SIK3: variants seen among roughly 807,000 people sequenced by gnomAD.
SIK3 encodes serine/threonine-protein kinase SIK3.
A neutral mutation model predicts 144.2 loss-of-function variants in SIK3; 28 were observed. That is an observed-to-expected ratio of 0.19 (90% CI 0.14 to 0.27). SIK3 has a LOEUF of 0.27. SIK3 is among the 10% of genes least tolerant of loss of function. SIK3 has a pLI of 1.00. For missense variants in SIK3, 1,319 were observed against 1,776.0 expected (o/e 0.74, Z 4.62); for synonymous variants, 686 against 676.3 (o/e 1.01, Z -0.22).
chr11:116,978,524 G>A (rs1267998668), intron 1 of SIK3, among the ~76,000 whole-genome samples: 1 of 150,720 alleles, frequency 6.6e-6, no homozygotes, highest in Non-Finnish European at 1.5e-5. Context: ...TTTTTTTTGA[G>A]GCAGGGTCTC....
chr11:117,070,492 G>A (rs1484996645), intron 1 of SIK3, among the ~76,000 whole-genome samples: 1 of 151,750 alleles, frequency 6.6e-6, no homozygotes, highest in Non-Finnish European at 1.5e-5. Context: ...TGTCGCCCAG[G>A]CTGGAGTGCA....
chr11:116,988,402 A>G (rs1950394368), intron 1 of SIK3, among the ~76,000 whole-genome samples: 1 of 152,080 alleles, frequency 6.6e-6, no homozygotes, highest in Non-Finnish European at 1.5e-5. Flanking sequence ...AAAGAAAAAA[A>G]GAAAAATGAA....
intron 1 of SIK3, among the ~76,000 whole-genome samples, chr11:116,975,894 T>C (rs905046049): frequency 3.3e-5 from 5 of 152,236 alleles, no homozygotes; most frequent in African/African-American, 1.2e-4. Flanking sequence ...TCCATCTTTT[T>C]TTATTACAGC....
chr11:116,852,054 A>G (rs2134321643), intron 21 of SIK3, among the ~76,000 whole-genome samples: 2 of 152,368 alleles, frequency 1.3e-5, no homozygotes, highest in Non-Finnish European at 2.9e-5. Flanking sequence ...CGCAAGGACA[A>G]ACATGAGCGC....
chr11:116,912,629 C>G (rs992996151), intron 4 of SIK3, among the ~76,000 whole-genome samples: 1 of 152,142 alleles, frequency 6.6e-6, no homozygotes, highest in Non-Finnish European at 1.5e-5. Context: ...TATAAGTAAA[C>G]AGCTTGGAAG....
chr11:116,988,360 C>T (rs143491990), intron 1 of SIK3, among the ~76,000 whole-genome samples: 10,704 of 149,258 alleles, frequency 0.072, 672 homozygotes, highest in African/African-American at 0.17. Context: ...CACTCCAGCC[C>T]GGGCAACAGA....
At chr11:117,013,915 G>GGGGGGGGGGGGTGTGTGT (rs1206309055) in intron 1 of SIK3, among the ~76,000 whole-genome samples, 1 of 23,618 alleles carries the variant, frequency 4.2e-5, no homozygotes, top group Non-Finnish European at 1.3e-4. Flanking sequence ...GGGGGGGGAG[G>GGGGGGGGGGGGTGTGTGT]GTGTGTGTGT....
intron 1 of SIK3, among the ~76,000 whole-genome samples, chr11:117,025,680 T>C (rs773709074): frequency 2.0e-5 from 3 of 152,064 alleles, no homozygotes; most frequent in African/African-American, 4.8e-5. Flanking sequence ...GATCCACCTG[T>C]CTCAGCCTCC....
At chr11:116,975,434 A>G (rs551307201) in intron 1 of SIK3, among the ~76,000 whole-genome samples, 1 of 151,824 alleles carries the variant, frequency 6.6e-6, no homozygotes, top group Admixed American at 6.6e-5. Flanking sequence ...CCTATACTAA[A>G]TATTTCATCT....
chr11:117,090,156 G>T (rs1030871547), intron 1 of SIK3, among the ~76,000 whole-genome samples: 1 of 152,150 alleles, frequency 6.6e-6, no homozygotes, highest in African/African-American at 2.4e-5. Context: ...TAGGATAAAA[G>T]CCCATTTGAA....
chr11:116,926,602 T>C (rs1179685215), intron 4 of SIK3, among the ~76,000 whole-genome samples: 1 of 152,250 alleles, frequency 6.6e-6, no homozygotes, highest in Non-Finnish European at 1.5e-5. Flanking sequence ...TTTAGTAGTT[T>C]TCCTTTCCAC....
intron 1 of SIK3, among the ~76,000 whole-genome samples, chr11:117,066,383 T>A (rs776466155): frequency 6.6e-6 from 1 of 151,556 alleles, no homozygotes; most frequent in Non-Finnish European, 1.5e-5. Context: ...AAACTCTTGC[T>A]CTTCAAAAGA....
intron 1 of SIK3, among the ~76,000 whole-genome samples, chr11:117,012,527 A>G (rs574526266): frequency 6.6e-6 from 1 of 152,282 alleles, no homozygotes; most frequent in Non-Finnish European, 1.5e-5. Flanking sequence ...AAACTGATTC[A>G]TCTTCTGTCC....
At chr11:116,931,203 C>G (rs1319049647) in intron 3 of SIK3, among the ~76,000 whole-genome samples, 1 of 152,118 alleles carries the variant, frequency 6.6e-6, no homozygotes, top group African/African-American at 2.4e-5. Flanking sequence ...GTTAGAAGTA[C>G]AGGAAATCGA....
At chr11:116,949,501 G>A (rs1428132719) in intron 3 of SIK3, among the ~76,000 whole-genome samples, 1 of 152,172 alleles carries the variant, frequency 6.6e-6, no homozygotes, top group Non-Finnish European at 1.5e-5. Flanking sequence ...TTTGCCATCA[G>A]TGTTTTTTTG....
intron 1 of SIK3, among the ~76,000 whole-genome samples, chr11:117,042,875 T>A (rs1251944847): frequency 6.6e-6 from 1 of 152,202 alleles, no homozygotes; most frequent in Non-Finnish European, 1.5e-5. Flanking sequence ...CCAAATTCTA[T>A]AAGGAAAATA....
At chr11:116,929,592 A>C (rs1947482414) in intron 3 of SIK3, among the ~76,000 whole-genome samples, 1 of 152,240 alleles carries the variant, frequency 6.6e-6, no homozygotes, top group African/African-American at 2.4e-5. Flanking sequence ...GTTCTGTTTT[A>C]TCTCTACAGT....
intron 1 of SIK3, among the ~76,000 whole-genome samples, chr11:117,082,379 C>T (rs1221667630): frequency 6.6e-6 from 1 of 151,708 alleles, no homozygotes; most frequent in Non-Finnish European, 1.5e-5. Context: ...AGAAACAATG[C>T]CCACCAATTC....
At position 117,059,714 on chromosome 11, in the gene SIK3, C is replaced by G. The variant is rs193301934; in HGVS notation, c.273+38429G>C. Among the ~76,000 whole-genome samples, 398 of 152,222 alleles carry G rather than the reference C, an allele frequency of 2.6e-3. 2 individuals are homozygous for G. The highest frequency in any genetic ancestry group is 4.6e-3 in the South Asian group (22 of 4,822). ...ATGGGCAAAAGATATGATCAGATAC[C>G]TCACCGATATATACAGATGGCAAAT... is the stretch of plus-strand genomic sequence containing the variant. On this transcript the variant is annotated intron_variant, in intron 1 of 24. Coordinates refer to ENST00000445177, the MANE Select transcript of SIK3 (RefSeq NM_001366686.3).
Sources: gnomAD v4.1 joint callset for allele counts (sites outside exome capture counted in the v4.1 genomes callset) on GRCh38, gnomAD v4.1.1 for gene constraint, MANE v1.5 for transcripts, NCBI Gene and HGNC (gene_info 2026-07-23, HGNC 2026-07-21) for gene names.